ESRRG: variants seen among roughly 807,000 people sequenced by gnomAD.
The protein encoded by ESRRG is estrogen related receptor gamma, also known as estrogen-related receptor gamma.
ESRRG carries 13 observed loss-of-function variants against 44.0 expected under a neutral mutation model. The ratio of observed to expected loss-of-function variants is 0.30; its 90% CI spans 0.19 to 0.47. The LOEUF is 0.47. Among genes scored for constraint, ESRRG ranks in the 20% least tolerant of loss-of-function variants. The pLI is 1.00. For synonymous variants in ESRRG, 215 were observed against 214.6 expected, an observed-to-expected ratio of 1.00 and a Z score of -0.02; for missense variants, 395 against 580.6, an observed-to-expected ratio of 0.68 and a Z score of 3.29.
intron 2 of ESRRG, among the ~76,000 whole-genome samples, chr1:216,859,328 AG>A (rs1254117046): frequency 6.6e-6 from 1 of 152,204 alleles, no homozygotes; most frequent in Non-Finnish European, 1.5e-5. Flanking sequence ...CAAATGCAAA[AG>A]GTGAAGTCAG....
At chr1:216,965,497 C>T (rs181826938) in intron 1 of ESRRG, among the ~76,000 whole-genome samples, 499 of 152,274 alleles carry the variant, frequency 3.3e-3, no homozygotes, top group Middle Eastern at 6.8e-3. Context: ...GAGGCCCTGA[C>T]CTCCTGTGGC....
Position 216,989,174 on chromosome 1 carries a change from G to T in ESRRG, c.-105-49501C>A, listed in dbSNP as rs74793809. On this transcript the variant is annotated intron_variant, in intron 1 of 7. Transcript: ENST00000359162. ...TCTTTTTATTTAAAAAGGGAGATTT[G>T]GGTGGCTCACATATGAAATCCCAGC... 7.0e-3 allele frequency among the ~76,000 whole-genome samples: 1,057 copies of T among 151,940 alleles called. 8 individuals are homozygous for T. Among genetic ancestry groups the T allele is most frequent in the African/African-American group, 0.024 (998 of 41,460 alleles).
intron 1 of ESRRG, among the ~76,000 whole-genome samples, chr1:216,702,133 A>G (rs2081484691): frequency 6.6e-6 from 1 of 152,240 alleles, no homozygotes; most frequent in Admixed American, 6.5e-5. Context: ...TTGACAAATT[A>G]TAATATCTCC....
intron 5 of ESRRG, among the ~76,000 whole-genome samples, chr1:216,546,188 G>T (rs949895611): frequency 6.6e-6 from 1 of 151,992 alleles, no homozygotes; most frequent in Non-Finnish European, 1.5e-5. Context: ...TCCCCTGACT[G>T]TAACAATCAA....
At chr1:216,666,513 T>G (rs2073965942) in intron 2 of ESRRG, among the ~76,000 whole-genome samples, 1 of 152,196 alleles carries the variant, frequency 6.6e-6, no homozygotes, top group African/African-American at 2.4e-5. Context: ...GACTTGGTTC[T>G]GGGTTAAGGG....
At chr1:216,916,286 C>A (rs1257868817) in intron 2 of ESRRG, among the ~76,000 whole-genome samples, 1 of 152,136 alleles carries the variant, frequency 6.6e-6, no homozygotes, top group East Asian at 1.9e-4. Context: ...GCATGCTGCC[C>A]CTGTTTCAAA....
chr1:216,981,133 C>T (rs913454186), intron 1 of ESRRG, among the ~76,000 whole-genome samples: 1 of 152,126 alleles, frequency 6.6e-6, no homozygotes, highest in Non-Finnish European at 1.5e-5. Context: ...CTACCTCTGC[C>T]CTTGCTGCCA....
intron 5 of ESRRG, among the ~76,000 whole-genome samples, chr1:216,519,768 C>T (rs1338874521): frequency 7.4e-6 from 1 of 135,834 alleles, no homozygotes; most frequent in Non-Finnish European, 1.5e-5. Context: ...GTCAGATTTT[C>T]AACTATCTCA....
chr1:216,548,221 C>T (rs1013758062), intron 5 of ESRRG, among the ~76,000 whole-genome samples: 1 of 152,024 alleles, frequency 6.6e-6, no homozygotes, highest in African/African-American at 2.4e-5. Context: ...TGCCTGCCCA[C>T]CTGTATGGCA....
chr1:217,001,406 G>T (rs1035603243), intron 1 of ESRRG, among the ~76,000 whole-genome samples: 2 of 152,156 alleles, frequency 1.3e-5, no homozygotes, highest in African/African-American at 4.8e-5. Flanking sequence ...AAAAGCAGCC[G>T]CAGCTTTTCC....
At position 216,630,445 on chromosome 1, in the gene ESRRG, AACAC is replaced by A. The variant is rs59403765; in HGVS notation, c.589+20524_589+20527del. 5.5e-3 allele frequency among the ~76,000 whole-genome samples: 807 copies of A among 146,458 alleles called. 7 individuals carry two copies. Among genetic ancestry groups the A allele is most frequent in the African/African-American group, 0.015 (592 of 39,016 alleles). ...ACATGTGCATGCACATGTGCGTGTG[AACAC>A]ACACACACACACACACACACACACA... On this transcript the variant is annotated intron_variant, in intron 3 of 6. Transcript: ENST00000408911.
chr1:216,784,039 G>A (rs2147941957), intron 2 of ESRRG, among the ~76,000 whole-genome samples: 1 of 152,050 alleles, frequency 6.6e-6, no homozygotes, highest in East Asian at 1.9e-4. Context: ...CTTAGTTAAG[G>A]CAGTTCCTCC....
intron 6 of ESRRG, 50 bp from the exon 7 acceptor site, chr1:216,507,233 C>T: frequency 1.6e-6 from 2 of 1,262,480 alleles, no homozygotes; most frequent in Non-Finnish European, 2.2e-6. Flanking sequence ...AATAGCAAAC[C>T]TATGTAGACT....
intron 3 of ESRRG, among the ~76,000 whole-genome samples, chr1:216,584,311 C>G (rs1005420741): frequency 6.7e-6 from 1 of 150,316 alleles, no homozygotes; most frequent in Non-Finnish European, 1.5e-5. Flanking sequence ...GGCTGGAGTG[C>G]AGTGGCGTGA....
At chr1:216,881,062 A>T in intron 2 of ESRRG, among the ~76,000 whole-genome samples, 1 of 152,334 alleles carries the variant, frequency 6.6e-6, no homozygotes, top group East Asian at 1.9e-4. Flanking sequence ...GCATAAATTA[A>T]ACTGGCAAAG....
At chr1:217,080,673 T>A (rs1407356231) in intron 1 of ESRRG, among the ~76,000 whole-genome samples, 6 of 3,632 alleles carry the variant, frequency 1.7e-3, no homozygotes, top group African/African-American at 1.8e-3. Context: ...TTTTTTTGGT[T>A]TTTTTTTTTT....
intron 1 of ESRRG, among the ~76,000 whole-genome samples, chr1:216,962,724 C>T (rs2069377204): frequency 6.6e-6 from 1 of 152,142 alleles, no homozygotes; most frequent in African/African-American, 2.4e-5. Context: ...GAAATCTAAT[C>T]ACTTTAAAGC....
At chr1:216,940,668 C>T (rs916889374) in intron 1 of ESRRG, among the ~76,000 whole-genome samples, 1 of 152,138 alleles carries the variant, frequency 6.6e-6, no homozygotes, top group African/African-American at 2.4e-5. Flanking sequence ...GGAGTGAACA[C>T]CTCAAAGAGA....
chr1:216,523,727 G>A (rs750536573), intron 5 of ESRRG, among the ~76,000 whole-genome samples: 10 of 151,694 alleles, frequency 6.6e-5, no homozygotes, highest in Middle Eastern at 3.4e-3. Context: ...TTTTCTTCTC[G>A]GCTGCTTTCT....
Sources: gnomAD v4.1 joint callset for allele counts (sites outside exome capture counted in the v4.1 genomes callset) on GRCh38, gnomAD v4.1.1 for gene constraint, MANE v1.5 for transcripts, NCBI Gene and HGNC (gene_info 2026-07-23, HGNC 2026-07-21) for gene names.